The following ATXN1 variants were observed in gnomAD, a reference collection of about 807,000 sequenced individuals.
ATXN1 encodes ataxin-1.
ATXN1 carries 8 observed loss-of-function variants against 56.4 expected under a neutral mutation model. The ratio of observed to expected loss-of-function variants is 0.14; its 90% CI spans 0.08 to 0.26. ATXN1 has a LOEUF of 0.26. Ranked by LOEUF, ATXN1 falls within the 10% of genes least tolerant of loss-of-function variation. ATXN1 has a pLI of 1.00. For synonymous variants in ATXN1, 514 were observed against 494.6 expected (o/e 1.04, Z -0.52); for missense variants, 987 against 1,106.5 (o/e 0.89, Z 1.53).
At chr6:16,402,258 T>G (rs1209557570) in intron 6 of ATXN1, among the ~76,000 whole-genome samples, 2,111 of 109,686 alleles carry the variant, frequency 0.019, 95 homozygotes, top group South Asian at 0.043. Context: ...TTTTTTTTTT[T>G]TTTTTTTTTT....
intron 6 of ATXN1, among the ~76,000 whole-genome samples, chr6:16,347,213 CTG>C (rs1491355896): frequency 6.6e-6 from 1 of 152,266 alleles, no homozygotes; most frequent in East Asian, 1.9e-4. Flanking sequence ...CACCCAAGGA[CTG>C]AGGAGTGCGG....
chr6:16,435,263 C>T (rs1462860256), intron 6 of ATXN1, among the ~76,000 whole-genome samples: 2 of 151,924 alleles, frequency 1.3e-5, no homozygotes, highest in African/African-American at 2.4e-5. Flanking sequence ...GACACAGGCC[C>T]GAAGATGATG....
chr6:16,313,659 C>T (rs1400653072), intron 7 of ATXN1, among the ~76,000 whole-genome samples: 11 of 151,700 alleles, frequency 7.3e-5, no homozygotes, highest in Non-Finnish European at 1.3e-4. Context: ...TGGATTCGAG[C>T]GATTCTCCTG....
chr6:16,396,572 GTTAAT>G (rs1758463793), intron 6 of ATXN1, among the ~76,000 whole-genome samples: 1 of 152,142 alleles, frequency 6.6e-6, no homozygotes, highest in South Asian at 2.1e-4. Context: ...GCTGAGCGTG[GTTAAT>G]TTATTATCAA....
chr6:16,537,061 G>A lies in ATXN1; in HGVS notation c.-360-14373C>T, dbSNP rs1005139069. The stretch of plus-strand genomic sequence containing the variant: ...AAAATCTTTTTTTTTTTTTTGATAA[G>A]AGGTTTTTCTTGAAATAGGAGTTAA... On this transcript the variant is annotated intron_variant, in intron 4 of 7. Transcript: ENST00000436367. Among the ~76,000 whole-genome samples the A allele has an allele frequency of 8.8e-5, 12 of 136,744 alleles. No individual in the cohort carries two copies. In the East Asian group the frequency reaches 2.1e-3, roughly 24 times the overall value. 89.7% of individuals were successfully genotyped at this position (136,744 alleles called of 152,430 possible).
intron 2 of ATXN1, among the ~76,000 whole-genome samples, chr6:16,677,917 T>C (rs1758721278): frequency 6.6e-6 from 1 of 152,228 alleles, no homozygotes; most frequent in African/African-American, 2.4e-5. Flanking sequence ...AATTAAATGG[T>C]CATCTGAAAA....
intron 5 of ATXN1, among the ~76,000 whole-genome samples, chr6:16,487,575 T>C (rs1399567927): frequency 6.6e-6 from 1 of 152,210 alleles, no homozygotes; most frequent in East Asian, 1.9e-4. Context: ...AATCATTCGC[T>C]TGATACAATT....
intron 6 of ATXN1, among the ~76,000 whole-genome samples, chr6:16,381,149 T>C (rs2113506102): frequency 6.6e-6 from 1 of 152,204 alleles, no homozygotes; most frequent in African/African-American, 2.4e-5. Flanking sequence ...TAGCCTGGCG[T>C]GGTGGCGGGC....
intron 6 of ATXN1, among the ~76,000 whole-genome samples, chr6:16,470,313 G>A (rs915425743): frequency 9.2e-5 from 14 of 152,158 alleles, no homozygotes; most frequent in East Asian, 7.7e-4. Flanking sequence ...GGTGGCTGCC[G>A]GGGGCTAGGG....
chr6:16,335,297 T>C (rs1308371804), intron 6 of ATXN1, among the ~76,000 whole-genome samples: 1 of 152,244 alleles, frequency 6.6e-6, no homozygotes, highest in Non-Finnish European at 1.5e-5. Context: ...TGAAGGGGAC[T>C]GAAGGCCCTG....
At chr6:16,657,418 T>C (rs1758229351) in intron 3 of ATXN1, among the ~76,000 whole-genome samples, 1 of 152,224 alleles carries the variant, frequency 6.6e-6, no homozygotes, top group African/African-American at 2.4e-5. Flanking sequence ...CTACTTCCTC[T>C]CGTGCGATTA....
chr6:16,708,025 A>G (rs1759442209), intron 2 of ATXN1, among the ~76,000 whole-genome samples: 1 of 152,228 alleles, frequency 6.6e-6, no homozygotes, highest in Non-Finnish European at 1.5e-5. Flanking sequence ...AACAGAGACA[A>G]GTACAGAGCT....
At chr6:16,430,575 G>T (rs1218024541) in intron 6 of ATXN1, among the ~76,000 whole-genome samples, 1 of 152,112 alleles carries the variant, frequency 6.6e-6, no homozygotes, top group African/African-American at 2.4e-5. Context: ...TTTGCATATG[G>T]CTCAGCCAAA....
At chr6:16,721,010 T>C (rs1289488683) in intron 2 of ATXN1, among the ~76,000 whole-genome samples, 2 of 152,224 alleles carry the variant, frequency 1.3e-5, no homozygotes, top group Non-Finnish European at 1.5e-5. Context: ...GCAGATGTAA[T>C]GGAATCTGAG....
chr6:16,499,756 A>C (rs1241855478), intron 5 of ATXN1, among the ~76,000 whole-genome samples: 1 of 152,184 alleles, frequency 6.6e-6, no homozygotes, highest in Non-Finnish European at 1.5e-5. Flanking sequence ...ATGATACCTA[A>C]GACTCTGTTT....
chr6:16,741,575 G>A (rs1029002620), intron 2 of ATXN1, among the ~76,000 whole-genome samples: 4 of 152,154 alleles, frequency 2.6e-5, no homozygotes, highest in East Asian at 1.9e-4. Flanking sequence ...TCAGGTCACC[G>A]AATGTTCTCT....
At chr6:16,458,980 C>T (rs914133887) in intron 6 of ATXN1, among the ~76,000 whole-genome samples, 1 of 152,202 alleles carries the variant, frequency 6.6e-6, no homozygotes, top group Non-Finnish European at 1.5e-5. Flanking sequence ...CTGGCATGGC[C>T]TTCTCAGTGT....
rs759215581 is a variant in ATXN1, at chr6:16,306,341, A to T, written c.2436T>A (p.Asn812Lys). ...EVKICIEGRS[N>K]VGK The stretch of plus-strand genomic sequence containing the variant: ...CCCCACGCTGCCTCTACTTGCCTAC[A>T]TTAGACCGGCCTTCAATGCAAATCT... Residue 812 changes from asparagine to lysine, a missense_variant, in exon 8 of 8, where the codon AAT becomes AAA. Around this residue, in one of 3 missense-constraint regions of ATXN1, gnomAD observed 196 missense variants for 196.7 expected, o/e 1.00. Coordinates refer to ENST00000436367, the MANE Select transcript of ATXN1 (RefSeq NM_001128164.2). This position sits in a 1 kb window ranked among gnomAD's most constrained non-coding sequence, Gnocchi z 5.2. 10 of 1,608,270 alleles carry T rather than the reference A, an allele frequency of 6.2e-6. No individual in the cohort carries two copies.
chr6:16,633,642 A>G (rs1480565436), intron 3 of ATXN1, among the ~76,000 whole-genome samples: 1 of 152,190 alleles, frequency 6.6e-6, no homozygotes, highest in Non-Finnish European at 1.5e-5. Flanking sequence ...TGTGGCTGCC[A>G]GGGCAAGGCA....
Sources: gnomAD v4.1 joint callset for allele counts (sites outside exome capture counted in the v4.1 genomes callset) on GRCh38, gnomAD v4.1.1 for gene constraint, gnomAD v4.1.1 regional missense constraint, Gnocchi (gnomAD v3.1) non-coding constraint, MANE v1.5 for transcripts, NCBI Gene and HGNC (gene_info 2026-07-23, HGNC 2026-07-21) for gene names.